The following PTPRN2 variants were observed in gnomAD, a reference collection of about 807,000 sequenced individuals.
PTPRN2 encodes the protein receptor-type tyrosine-protein phosphatase N2.
PTPRN2 carries 74 observed loss-of-function variants against 118.8 expected under a neutral mutation model. The ratio of observed to expected loss-of-function variants is 0.62; its 90% CI spans 0.52 to 0.76. The LOEUF (loss-of-function observed/expected upper bound fraction) is 0.76, where lower values mean the gene tolerates loss of function less well. Among genes scored for constraint, PTPRN2 ranks in the 30% least tolerant of loss-of-function variants. PTPRN2 has a pLI of 0.00. For synonymous variants in PTPRN2, 641 were observed against 608.0 expected, an observed-to-expected ratio of 1.05 and a Z score of -0.80; for missense variants, 1,481 against 1,394.4, an observed-to-expected ratio of 1.06 and a Z score of -0.99.
intron 11 of PTPRN2, among the ~76,000 whole-genome samples, chr7:158,055,370 C>T (rs1456514698): frequency 4.6e-5 from 7 of 152,112 alleles, no homozygotes; most frequent in Admixed American, 3.9e-4. Flanking sequence ...CAAGCGGTAG[C>T]GTCAGTGCCA....
In PTPRN2 at chr7:157,609,305, C is replaced by T. The variant is rs890082444; in HGVS notation, c.2345-5230G>A. Among the ~76,000 whole-genome samples the T allele has an allele frequency of 2.6e-5, 4 of 152,150 alleles. No individual in the cohort carries two copies. Among genetic ancestry groups the T allele is most frequent in the African/African-American group, 9.7e-5 (4 of 41,424 alleles). ...GGCTGAGGCAGGAGAATTGCTTGAA[C>T]CCGGGAGGCAGAGGTTGCAGTGAGC... On this transcript the variant is annotated intron_variant, in intron 15 of 22. Transcript: ENST00000389418. This position sits in a 1 kb window ranked among gnomAD's most constrained non-coding sequence, Gnocchi z 4.9.
At chr7:157,904,638 T>C (rs1162372130) in intron 11 of PTPRN2, among the ~76,000 whole-genome samples, 1 of 152,246 alleles carries the variant, frequency 6.6e-6, no homozygotes, top group Admixed American at 6.5e-5. Flanking sequence ...CCCTTGGCGC[T>C]GTGGAACGAG....
chr7:157,602,328 G>A (rs914191771), intron 16 of PTPRN2, among the ~76,000 whole-genome samples: 10 of 152,248 alleles, frequency 6.6e-5, no homozygotes, highest in Non-Finnish European at 1.2e-4. Context: ...TCTTCCCAGC[G>A]TGCTTTATCC....
chr7:158,455,702 G>C (rs1369193548), intron 2 of PTPRN2, among the ~76,000 whole-genome samples: 5 of 128,120 alleles, frequency 3.9e-5, no homozygotes, highest in Admixed American at 7.7e-5. Context: ...CTGCAGAGAA[G>C]ACAACGGCAT....
In PTPRN2 at chr7:157,619,836, C is replaced by A. The variant is rs1803042025; in HGVS notation, c.2344+1526G>T. On this transcript the variant is annotated intron_variant, in intron 15 of 22. Coordinates refer to ENST00000389418, the MANE Select transcript of PTPRN2 (RefSeq NM_002847.5). This position sits in a 1 kb window ranked among gnomAD's most constrained non-coding sequence, Gnocchi z 5.3. Reference sequence around the variant, plus strand: ...CCTCTCCCTGGCGTGGGGGGCTGTGCTGCTGGTACGGGGACAGGCGGTGTC... The same window carrying A: ...CCTCTCCCTGGCGTGGGGGGCTGTGATGCTGGTACGGGGACAGGCGGTGTC... 6.6e-6 allele frequency among the ~76,000 whole-genome samples: 1 copy of A among 152,210 alleles called. No homozygotes were observed. The highest frequency in any genetic ancestry group is 2.1e-4 in the South Asian group (1 of 4,830).
intron 3 of PTPRN2, among the ~76,000 whole-genome samples, chr7:158,213,206 T>TTGTGTGTGTG (rs57665784): frequency 2.6e-4 from 37 of 140,428 alleles, no homozygotes; most frequent in African/African-American, 8.7e-4. Context: ...GGCTCTGTGC[T>TTGTGTGTGTG]TGTGTGTGTG....
chr7:157,824,131 C>T (rs541243764), intron 12 of PTPRN2, among the ~76,000 whole-genome samples: 78 of 152,258 alleles, frequency 5.1e-4, no homozygotes, highest in African/African-American at 1.8e-3. Flanking sequence ...GAGCTCAGAC[C>T]GTCAGTGGGG....
chr7:157,640,029 C>T (rs1243840588), intron 14 of PTPRN2, among the ~76,000 whole-genome samples: 1 of 152,206 alleles, frequency 6.6e-6, no homozygotes, highest in Non-Finnish European at 1.5e-5. Context: ...ACTAAAGCCC[C>T]ACCAATGAGG....
At chr7:157,564,746 C>A (rs1210460545) in intron 21 of PTPRN2, among the ~76,000 whole-genome samples, 1 of 152,210 alleles carries the variant, frequency 6.6e-6, no homozygotes, top group Non-Finnish European at 1.5e-5. Context: ...CCACTCACAT[C>A]CACTGGGATG....
chr7:158,410,419 G>C (rs776235059), intron 2 of PTPRN2, among the ~76,000 whole-genome samples: 1 of 152,210 alleles, frequency 6.6e-6, no homozygotes, highest in South Asian at 2.1e-4. Context: ...TCTCCTTCTC[G>C]TGGGATGAAG....
rs1006794111 is a variant in PTPRN2 at position 158,517,840 on chromosome 7, A to G, written c.113-28055T>C. Among the ~76,000 whole-genome samples, 1 of 150,838 alleles carries G rather than the reference A, an allele frequency of 6.6e-6. No individual in the cohort carries two copies. The highest frequency in any genetic ancestry group is 1.5e-5 in the Non-Finnish European group (1 of 67,718). Reference sequence around the variant, plus strand: ...ATCCCCTTCGTCACACATCCCACACACCCCGGTTTGTTCCCACCAGGCCTT... The same window carrying G: ...ATCCCCTTCGTCACACATCCCACACGCCCCGGTTTGTTCCCACCAGGCCTT... On this transcript the variant is annotated intron_variant, in intron 1 of 22. Coordinates refer to ENST00000389418, the MANE Select transcript of PTPRN2 (RefSeq NM_002847.5). The surrounding 1 kb of genome is among the most constrained non-coding windows in gnomAD (Gnocchi z 5.3).
intron 3 of PTPRN2, among the ~76,000 whole-genome samples, chr7:158,279,665 C>T (rs11980317): frequency 0.28 from 41,817 of 152,036 alleles, 6,413 homozygotes; most frequent in African/African-American, 0.41. Flanking sequence ...CCGGAACCTG[C>T]GCCGGCCCAC....
chr7:158,394,202 C>T (rs1812157050), intron 2 of PTPRN2, among the ~76,000 whole-genome samples: 1 of 151,842 alleles, frequency 6.6e-6, no homozygotes, highest in African/African-American at 2.4e-5. Flanking sequence ...TGCGTGGTTC[C>T]CCTATGTCCC....
At chr7:158,539,082 C>T (rs1825821759) in intron 1 of PTPRN2, among the ~76,000 whole-genome samples, 2 of 152,138 alleles carry the variant, frequency 1.3e-5, no homozygotes, top group Non-Finnish European at 2.9e-5. Context: ...AAAGCCATGC[C>T]CCCCGTGTCA....
chr7:158,004,687 T>A (rs982732903), intron 11 of PTPRN2, among the ~76,000 whole-genome samples: 11 of 152,222 alleles, frequency 7.2e-5, no homozygotes, highest in African/African-American at 1.7e-4. Flanking sequence ...TTTCATTTTT[T>A]AAAAAATTCA....
intron 4 of PTPRN2, among the ~76,000 whole-genome samples, chr7:158,193,088 C>T (rs138739868): frequency 2.0e-5 from 3 of 152,214 alleles, no homozygotes; most frequent in African/African-American, 7.2e-5. Context: ...CAGTGATTCA[C>T]GCACCGCCAT....
intron 12 of PTPRN2, among the ~76,000 whole-genome samples, chr7:157,736,255 G>A (rs1800290405): frequency 6.6e-6 from 1 of 152,194 alleles, no homozygotes; most frequent in South Asian, 2.1e-4. Flanking sequence ...CGAGATTCAG[G>A]GTTTAACTCT....
intron 12 of PTPRN2, among the ~76,000 whole-genome samples, chr7:157,722,564 C>G (rs1181350170): frequency 1.3e-5 from 2 of 152,228 alleles, no homozygotes; most frequent in Non-Finnish European, 2.9e-5. Flanking sequence ...TGCGTTTGCA[C>G]TGAAATGTGT....
At chr7:158,411,543 G>A (rs911167451) in intron 2 of PTPRN2, among the ~76,000 whole-genome samples, 1 of 152,298 alleles carries the variant, frequency 6.6e-6, no homozygotes, top group East Asian at 1.9e-4. Flanking sequence ...CGGGAACAGG[G>A]GTCCCCTTCC....
Sources: gnomAD v4.1 joint callset for allele counts (sites outside exome capture counted in the v4.1 genomes callset) on GRCh38, gnomAD v4.1.1 for gene constraint, Gnocchi (gnomAD v3.1) non-coding constraint, MANE v1.5 for transcripts, NCBI Gene and HGNC (gene_info 2026-07-23, HGNC 2026-07-21) for gene names.